CACNA2D1: variants seen among roughly 807,000 people sequenced by gnomAD.
The protein encoded by CACNA2D1 is voltage-dependent calcium channel subunit alpha-2/delta-1.
CACNA2D1 carries 53 observed loss-of-function variants against 171.5 expected under a neutral mutation model. The observed-to-expected ratio is 0.31, with a 90% CI of 0.25 to 0.39. The LOEUF (loss-of-function observed/expected upper bound fraction) is 0.39. Ranked by LOEUF, CACNA2D1 falls within the 10% of genes least tolerant of loss-of-function variation. CACNA2D1 has a pLI of 1.00. For missense variants in CACNA2D1, 903 were observed against 1,299.8 expected, an observed-to-expected ratio of 0.69 and a Z score of 4.69; for synonymous variants, 442 against 443.1, an observed-to-expected ratio of 1.00 and a Z score of 0.03.
chr7:82,083,853 T>C (rs912833133), intron 7 of CACNA2D1, among the ~76,000 whole-genome samples: 39 of 152,156 alleles, frequency 2.6e-4, no homozygotes, highest in African/African-American at 8.2e-4. Flanking sequence ...TATTTCACCC[T>C]TATTTACTGC....
At chr7:82,187,992 T>C (rs1036496544) in intron 3 of CACNA2D1, among the ~76,000 whole-genome samples, 6 of 152,198 alleles carry the variant, frequency 3.9e-5, no homozygotes, top group Non-Finnish European at 8.8e-5. Context: ...CTCTTCCACT[T>C]ATTATATCTA....
At chr7:82,333,042 A>T (rs1447908568) in intron 3 of CACNA2D1, among the ~76,000 whole-genome samples, 1 of 152,198 alleles carries the variant, frequency 6.6e-6, no homozygotes, top group Non-Finnish European at 1.5e-5. Flanking sequence ...AAGCTCCAGC[A>T]TTATATCTAA....
At chr7:82,041,414 T>G (rs958746796) in intron 10 of CACNA2D1, among the ~76,000 whole-genome samples, 5 of 152,060 alleles carry the variant, frequency 3.3e-5, no homozygotes, top group African/African-American at 1.2e-4. Flanking sequence ...GTATGTGGAT[T>G]TGGATGATGA....
intron 10 of CACNA2D1, among the ~76,000 whole-genome samples, chr7:82,039,424 A>G (rs149016904): frequency 6.9e-4 from 105 of 152,274 alleles, no homozygotes; most frequent in Non-Finnish European, 8.4e-4. Context: ...AATACCATAA[A>G]TATATAAACA....
chr7:82,253,223 G>A (rs1392802892), intron 3 of CACNA2D1, among the ~76,000 whole-genome samples: 1 of 152,176 alleles, frequency 6.6e-6, no homozygotes, highest in East Asian at 1.9e-4. Context: ...AAAGTGATAA[G>A]TTTTGAATCT....
At chr7:82,359,724 A>G (rs1820869411) in intron 1 of CACNA2D1, among the ~76,000 whole-genome samples, 1 of 152,170 alleles carries the variant, frequency 6.6e-6, no homozygotes, top group African/African-American at 2.4e-5. Flanking sequence ...AATGTTACAC[A>G]TACAGACATA....
Position 82,171,187 on chromosome 7 carries a change from G to A in CACNA2D1, c.295-578C>T, listed in dbSNP as rs149107576. ...AAATTGCTTTATTTCACCTTCAATCGTGTATGCTAAAGTAGTTAAGAATTA... is the reference window on the plus strand; with the variant it reads ...AAATTGCTTTATTTCACCTTCAATCATGTATGCTAAAGTAGTTAAGAATTA... On this transcript the variant is annotated intron_variant, in intron 3 of 38. Transcript: ENST00000356860. 2.6e-4 allele frequency among the ~76,000 whole-genome samples: 39 copies of A among 152,046 alleles called. No individual in the cohort carries two copies. The East Asian group carries it at 4.1e-3, about 16-fold the overall frequency.
intron 3 of CACNA2D1, among the ~76,000 whole-genome samples, chr7:82,281,291 A>C (rs1810066766): frequency 6.6e-6 from 1 of 152,154 alleles, no homozygotes; most frequent in Non-Finnish European, 1.5e-5. Context: ...TAACCAACGG[A>C]ATCTTGGGTT....
chr7:82,064,166 C>A, intron 9 of CACNA2D1, 138 bp downstream of exon 9: 1 of 530,588 alleles, frequency 1.9e-6, no homozygotes, highest in Non-Finnish European at 3.4e-6. Flanking sequence ...GGCTTCATTG[C>A]CTGAATATAA....
chr7:82,237,157 A>G (rs1334524119), intron 3 of CACNA2D1, among the ~76,000 whole-genome samples: 1 of 151,936 alleles, frequency 6.6e-6, no homozygotes, highest in East Asian at 1.9e-4. Flanking sequence ...AATTATGTAA[A>G]AAGTAAAGAC....
At chr7:82,019,858 G>A (rs183886339) in intron 12 of CACNA2D1, among the ~76,000 whole-genome samples, 1 of 152,208 alleles carries the variant, frequency 6.6e-6, no homozygotes, top group Non-Finnish European at 1.5e-5. Flanking sequence ...TTCGAATCAT[G>A]TTAGAAAAAT....
chr7:82,386,525 G>C (rs141556490), intron 1 of CACNA2D1, among the ~76,000 whole-genome samples: 59 of 152,136 alleles, frequency 3.9e-4, no homozygotes, highest in East Asian at 1.7e-3. Flanking sequence ...CAGAGGTCGG[G>C]AGTTCGAGAC....
intron 6 of CACNA2D1, 59 bp from the exon 7 acceptor site, chr7:82,084,959 CTTCAT>C: frequency 7.8e-7 from 1 of 1,282,612 alleles, no homozygotes; most frequent in East Asian, 2.4e-5. Flanking sequence ...AACTGAATGT[CTTCAT>C]TTATTTACAA....
chr7:82,044,246 T>C (rs1025623551), intron 10 of CACNA2D1, among the ~76,000 whole-genome samples: 1 of 152,172 alleles, frequency 6.6e-6, no homozygotes, highest in Non-Finnish European at 1.5e-5. Context: ...TATGTATGGA[T>C]TCTAAATGTT....
At chr7:82,097,771 A>T (rs1812073320) in intron 6 of CACNA2D1, among the ~76,000 whole-genome samples, 1 of 152,158 alleles carries the variant, frequency 6.6e-6, no homozygotes, top group Non-Finnish European at 1.5e-5. Context: ...TGCTTGACTA[A>T]AATTATCACT....
At chr7:82,343,413 A>C (rs1818905702) in intron 2 of CACNA2D1, among the ~76,000 whole-genome samples, 1 of 152,216 alleles carries the variant, frequency 6.6e-6, no homozygotes, top group Non-Finnish European at 1.5e-5. Context: ...CAAACAGGCC[A>C]CTTAATTTTC....
intron 3 of CACNA2D1, among the ~76,000 whole-genome samples, chr7:82,194,864 G>A (rs1162197555): frequency 6.6e-6 from 1 of 151,754 alleles, no homozygotes; most frequent in African/African-American, 2.4e-5. Context: ...AAGGTAAGCA[G>A]TATTGTACTT....
intron 1 of CACNA2D1, among the ~76,000 whole-genome samples, chr7:82,387,705 C>A (rs1255992273): frequency 6.6e-6 from 1 of 152,098 alleles, no homozygotes; most frequent in East Asian, 1.9e-4. Flanking sequence ...TAGCTAAATG[C>A]AAGTAAAAGT....
At chr7:82,298,898 A>G (rs1044131730) in intron 3 of CACNA2D1, among the ~76,000 whole-genome samples, 2 of 152,004 alleles carry the variant, frequency 1.3e-5, no homozygotes, top group Non-Finnish European at 2.9e-5. Context: ...CCCCGTCTCT[A>G]CTAAAAGTAC....
Sources: gnomAD v4.1 joint callset for allele counts (sites outside exome capture counted in the v4.1 genomes callset) on GRCh38, gnomAD v4.1.1 for gene constraint, MANE v1.5 for transcripts, NCBI Gene and HGNC (gene_info 2026-07-23, HGNC 2026-07-21) for gene names.